CFTR: variants seen among roughly 807,000 people sequenced by gnomAD.
The protein encoded by CFTR is cystic fibrosis transmembrane conductance regulator.
Under a neutral mutation model 171.6 loss-of-function variants are expected in CFTR, and 181 were observed. The observed-to-expected ratio is 1.05, with a 90% CI of 0.93 to 1.19. The LOEUF (loss-of-function observed/expected upper bound fraction) is 1.19, where lower values mean the gene tolerates loss of function less well. Ranked by LOEUF, CFTR falls within the 50% of genes most tolerant of loss-of-function variation. The pLI, the probability that CFTR is intolerant of heterozygous loss-of-function variation, is 0.00. For synonymous variants in CFTR, 583 were observed against 608.0 expected (o/e 0.96, Z 0.60); for missense variants, 1,968 against 1,734.7 (o/e 1.13, Z -2.39).
intron 22 of CFTR, among the ~76,000 whole-genome samples, chr7:117,634,210 G>T (rs1792792674): frequency 1.3e-5 from 2 of 151,990 alleles, no homozygotes; most frequent in South Asian, 4.2e-4. Context: ...GCGAGTTTTA[G>T]CAGATTGTCT....
chr7:117,639,793 T>A (rs1026855693), intron 22 of CFTR, among the ~76,000 whole-genome samples: 1 of 152,204 alleles, frequency 6.6e-6, no homozygotes, highest in African/African-American at 2.4e-5. Flanking sequence ...ATATTCTCAA[T>A]ACTATGTTTC....
At chr7:117,662,324 C>T (rs1793303858) in intron 24 of CFTR, among the ~76,000 whole-genome samples, 1 of 152,162 alleles carries the variant, frequency 6.6e-6, no homozygotes, top group South Asian at 2.1e-4. Flanking sequence ...GCATTAGGAA[C>T]ACAGAGCTGA....
chr7:117,627,595 C>A lies in CFTR; in HGVS notation c.3542C>A (p.Pro1181Gln), dbSNP rs746050496. The A allele has an allele frequency of 6.2e-7, 1 of 1,613,338 alleles. No individual in the cohort carries two copies. Residue 1181 changes from proline (P) to glutamine (Q), a missense_variant, in exon 22 of 27, where the codon CCA becomes CAA. Coordinates refer to ENST00000003084, the MANE Select transcript of CFTR (RefSeq NM_000492.4). ...GGTAAACCTACCAAGTCAACCAAACCATACAAGAATGGCCAACTCTCGAAA... is the reference window on the plus strand; with the variant it reads ...GGTAAACCTACCAAGTCAACCAAACAATACAAGAATGGCCAACTCTCGAAA... ...TEGKPTKSTK[P>Q]YKNGQLSKVM...
intron 24 of CFTR, 146 bp from the exon 25 acceptor site, chr7:117,664,542 A>T: frequency 1.4e-6 from 1 of 738,886 alleles, no homozygotes; most frequent in Non-Finnish European, 2.4e-6. Context: ...CTTTTGCTCA[A>T]TCAATTCAAA....
intron 10 of CFTR, among the ~76,000 whole-genome samples, chr7:117,559,174 A>G (rs936318294): frequency 6.6e-6 from 1 of 152,178 alleles, no homozygotes; most frequent in African/African-American, 2.4e-5. Flanking sequence ...AACCTTTCCC[A>G]TTCTTCCTCC....
intron 1 of CFTR, among the ~76,000 whole-genome samples, chr7:117,501,765 AAAAAAAGAAACAAAAAAAAAAAAAAAAC>A (rs1798332012): frequency 6.7e-6 from 1 of 149,522 alleles, no homozygotes; most frequent in Non-Finnish European, 1.5e-5. Flanking sequence ...AAAAAAAAAA[AAAAAAAGAAACAAAAAAAAAAAAAAAAC>A]AAAAAGCAAA....
intron 3 of CFTR, among the ~76,000 whole-genome samples, chr7:117,523,369 G>A (rs1161080397): frequency 6.8e-6 from 1 of 146,578 alleles, no homozygotes; most frequent in Admixed American, 7.0e-5. Flanking sequence ...TTTTTGTTTT[G>A]TTTTGTTTTT....
At chr7:117,552,128 T>A (rs1799282660) in intron 10 of CFTR, among the ~76,000 whole-genome samples, 1 of 152,080 alleles carries the variant, frequency 6.6e-6, no homozygotes, top group African/African-American at 2.4e-5. Flanking sequence ...ATTTAATTTT[T>A]AAAATTTTAT....
At chr7:117,603,099 G>T (rs896069936) in intron 16 of CFTR, among the ~76,000 whole-genome samples, 4 of 152,132 alleles carry the variant, frequency 2.6e-5, no homozygotes, top group Non-Finnish European at 1.5e-5. Context: ...GAGCCCAGGA[G>T]TTCAGGGCTG....
intron 22 of CFTR, among the ~76,000 whole-genome samples, chr7:117,640,905 G>A (rs1792901989): frequency 6.6e-6 from 1 of 151,994 alleles, no homozygotes; most frequent in Admixed American, 6.6e-5. Context: ...ATATTTATGG[G>A]GCACTTTGGG....
At position 117,603,591 on chromosome 7, in the gene CFTR, T is replaced by C; in HGVS notation, c.2717T>C (p.Ile906Thr). The change falls in exon 17 of 27, where the codon ATT becomes ACT. Residue 906 changes from isoleucine (I) to threonine (T), a missense_variant. Transcript: ENST00000003084. ...THSRNNSYAVIITSTSSYYVF... is the reference protein window; with the variant it reads ...THSRNNSYAVTITSTSSYYVF... ...AGTAGAAATAACAGCTATGCAGTGA[T>C]TATCACCAGCACCAGTTCGTATTAT... 1 of 1,613,984 alleles carries C rather than the reference T, an allele frequency of 6.2e-7. No individual in the cohort carries two copies. The highest frequency in any genetic ancestry group is 8.5e-7 in the Non-Finnish European group (1 of 1,179,882).
intron 1 of CFTR, among the ~76,000 whole-genome samples, chr7:117,483,250 T>G (rs1243467090): frequency 7.2e-5 from 11 of 152,234 alleles, no homozygotes; most frequent in African/African-American, 2.4e-4. Flanking sequence ...ATCAAAATAA[T>G]TTTGGGTCTC....
chr7:117,655,434 T>C (rs919415165), intron 24 of CFTR, among the ~76,000 whole-genome samples: 5 of 152,230 alleles, frequency 3.3e-5, no homozygotes, highest in Non-Finnish European at 7.3e-5. Flanking sequence ...CATTTCCATC[T>C]GAAAACCCAT....
At chr7:117,539,089 G>A (rs951313026) in intron 7 of CFTR, among the ~76,000 whole-genome samples, 2 of 152,066 alleles carry the variant, frequency 1.3e-5, no homozygotes, top group African/African-American at 4.8e-5. Context: ...TTTCACCAGA[G>A]CCCTCTCTCT....
At chr7:117,501,870 C>T (rs939928044) in intron 1 of CFTR, among the ~76,000 whole-genome samples, 2 of 147,236 alleles carry the variant, frequency 1.4e-5, no homozygotes, top group Admixed American at 1.4e-4. Context: ...ATGCTATTAA[C>T]GTTATTTGCC....
rs530746654 is a variant in CFTR at position 117,632,838 on chromosome 7, A to G, written c.3717+5068A>G. Among the ~76,000 whole-genome samples the G allele has an allele frequency of 7.9e-5, 12 of 152,318 alleles. No homozygotes were observed. The South Asian group carries it at 2.5e-3, about 32-fold the overall frequency. ...AGATAGGAGGAAAGGAGATAAGTGG[A>G]ATTAAAGAGAACCTTTGAGCACAGA... On this transcript the variant is annotated intron_variant, in intron 22 of 26. Coordinates refer to ENST00000003084, the MANE Select transcript of CFTR (RefSeq NM_000492.4).
Position 117,582,255 on chromosome 7 carries a change from A to G in CFTR, c.1585-5484A>G, listed in dbSNP as rs558292409. On this transcript the variant is annotated intron_variant, in intron 11 of 26. Coordinates refer to ENST00000003084, the MANE Select transcript of CFTR (RefSeq NM_000492.4). ...AGAGCTGTTAAGTAACTGAGATTTC[A>G]CAATAAGCCAGACAGACCAGGGTTC... Among the ~76,000 whole-genome samples, 16 of 152,268 alleles carry G rather than the reference A, an allele frequency of 1.1e-4. No individual in the cohort carries two copies. The South Asian group carries it at 3.3e-3, about 32-fold the overall frequency.
chr7:117,612,006 GATATATAT>G (rs375943671), intron 20 of CFTR, among the ~76,000 whole-genome samples, 198 bp downstream of exon 20: 1 of 76,796 alleles, frequency 1.3e-5, no homozygotes, highest in South Asian at 3.8e-4. Flanking sequence ...CTTGAAATCG[GATATATAT>G]ATATATATGT....
chr7:117,612,832 C>T (rs1792428074), intron 20 of CFTR, among the ~76,000 whole-genome samples: 1 of 152,084 alleles, frequency 6.6e-6, no homozygotes, highest in African/African-American at 2.4e-5. Flanking sequence ...TTGCTTCATT[C>T]CTTTCTCTCT....
Sources: gnomAD v4.1 joint callset for allele counts (sites outside exome capture counted in the v4.1 genomes callset) on GRCh38, gnomAD v4.1.1 for gene constraint, MANE v1.5 for transcripts, NCBI Gene and HGNC (gene_info 2026-07-23, HGNC 2026-07-21) for gene names.